SFI1: variants seen among roughly 807,000 people sequenced by gnomAD.
The protein encoded by SFI1 is SFI1 centrin binding protein.
A neutral mutation model predicts 207.5 loss-of-function variants in SFI1; 195 were observed. That is an observed-to-expected ratio of 0.94 (90% CI 0.84 to 1.06). The LOEUF is 1.06. Among genes scored for constraint, SFI1 ranks in the 50% least tolerant of loss-of-function variants. The probability of loss-of-function intolerance (pLI) is 0.00; values close to 1 mark genes in which losing one functional copy is unlikely to be tolerated. For synonymous variants in SFI1, 630 were observed against 598.9 expected (o/e 1.05, Z -0.76); for missense variants, 1,634 against 1,588.0 (o/e 1.03, Z -0.49).
chr22:31,606,693 CTTTTTTTTTTTTT>C (rs10524692), intron 21 of SFI1: 9,505 of 116,156 alleles, frequency 0.082, 347 homozygotes, highest in African/African-American at 0.095. Flanking sequence ...TTCTTTTTTT[CTTTTTTTTTTTTT>C]TTTTTTTTTT....
intron 18 of SFI1, 28 bp from the exon 19 acceptor site, chr22:31,604,281 C>G (rs549089105): frequency 6.5e-7 from 1 of 1,546,000 alleles, no homozygotes; most frequent in African/African-American, 1.4e-5. Flanking sequence ...CCCCAGCCCA[C>G]GGTAGCTGCT....
intron 5 of SFI1, 66 bp from the exon 6 acceptor site, chr22:31,550,188 G>C: frequency 3.9e-6 from 5 of 1,284,650 alleles, no homozygotes; most frequent in Non-Finnish European, 4.5e-6. Context: ...TAGGGTTACA[G>C]GTGTGAGCCA....
At chr22:31,530,549 C>G (rs2147364793) in intron 3 of SFI1, 1 of 452,178 alleles carries the variant, frequency 2.2e-6, no homozygotes, top group South Asian at 1.6e-5. Flanking sequence ...AGACACTGTG[C>G]TAGGTACTGG....
intron 1 of SFI1, among the ~76,000 whole-genome samples, chr22:31,498,930 C>T (rs1439357967): frequency 2.0e-5 from 3 of 151,138 alleles, no homozygotes; most frequent in Non-Finnish European, 4.4e-5. Context: ...CACTCTTGAC[C>T]TCCTGACCTC....
chr22:31,602,309 T>C lies in SFI1; in HGVS notation c.1626+16T>C, dbSNP rs745966073. Reference sequence around the variant, plus strand: ...AGAGAGAATGGTAAATGGCTGTCCCTGAGGAGATGTGTGGAGGGGCAGGAT... The same window carrying C: ...AGAGAGAATGGTAAATGGCTGTCCCCGAGGAGATGTGTGGAGGGGCAGGAT... On this transcript the variant is annotated intron_variant, in intron 16 of 32. Coordinates refer to ENST00000400288, the MANE Select transcript of SFI1 (RefSeq NM_001007467.3). 6.2e-7 allele frequency: 1 copy of C among 1,609,362 alleles called. No homozygotes were observed. Among genetic ancestry groups the C allele is most frequent in the South Asian group, 1.1e-5 (1 of 90,994 alleles).
intron 4 of SFI1, among the ~76,000 whole-genome samples, chr22:31,532,177 C>G (rs1366403873): frequency 1.3e-5 from 2 of 152,164 alleles, no homozygotes; most frequent in Non-Finnish European, 2.9e-5. Context: ...TGAGCTCTTT[C>G]AGGGCACTGG....
intron 21 of SFI1, 31 bp from the exon 22 acceptor site, chr22:31,607,906 G>C: frequency 1.9e-6 from 3 of 1,604,544 alleles, no homozygotes; most frequent in Non-Finnish European, 2.6e-6. Context: ...GAGGTATAGT[G>C]ACTCTTGCTG....
chr22:31,589,211 CGTGT>C (rs10597618), intron 14 of SFI1, among the ~76,000 whole-genome samples: 1,783 of 149,442 alleles, frequency 0.012, 12 homozygotes, highest in African/African-American at 0.019. Flanking sequence ...TATGTGTGTG[CGTGT>C]GTGTGTGTGT....
intron 2 of SFI1, among the ~76,000 whole-genome samples, chr22:31,524,919 C>T (rs1344987747): frequency 1.3e-5 from 2 of 151,948 alleles, no homozygotes; most frequent in African/African-American, 2.4e-5. Context: ...CTCAGCCTCC[C>T]GAGTAACTGG....
At chr22:31,591,457 T>G (rs985803826) in intron 15 of SFI1, among the ~76,000 whole-genome samples, 1 of 152,140 alleles carries the variant, frequency 6.6e-6, no homozygotes, top group Non-Finnish European at 1.5e-5. Context: ...ATTGTCATCC[T>G]GGCCCGTTCT....
At chr22:31,573,239 G>T in intron 9 of SFI1, 25 bp downstream of exon 9, 1 of 1,610,430 alleles carries the variant, frequency 6.2e-7, no homozygotes, top group South Asian at 1.1e-5. Flanking sequence ...CCAGGCTCTC[G>T]AGATAGAGGA....
At position 31,614,170 on chromosome 22, in the gene SFI1, A is replaced by G. The variant is rs1233919621; in HGVS notation, c.2996+315A>G. On this transcript the variant is annotated intron_variant, in intron 27 of 32. Coordinates refer to ENST00000400288, the MANE Select transcript of SFI1 (RefSeq NM_001007467.3). Reference sequence around the variant, plus strand: ...CGATCTTTTCCGGAGTCATACACGTAGTTGACAAAGGGAACAAGCTCAGCT... The same window carrying G: ...CGATCTTTTCCGGAGTCATACACGTGGTTGACAAAGGGAACAAGCTCAGCT... 3.6e-5 allele frequency: 14 copies of G among 393,822 alleles called. No homozygotes were observed. In the East Asian group the frequency reaches 5.8e-4, roughly 16 times the overall value. The allele number at this position is 393,822 out of a possible 1,614,324, so 24.4% of individuals were successfully genotyped here.
At chr22:31,573,794 T>C (rs1427732222) in intron 9 of SFI1, among the ~76,000 whole-genome samples, 1 of 152,214 alleles carries the variant, frequency 6.6e-6, no homozygotes, top group Non-Finnish European at 1.5e-5. Flanking sequence ...GTATTGTAAT[T>C]ATTTTGATTA....
chr22:31,613,364 C>T lies in SFI1; in HGVS notation c.2576C>T (p.Thr859Met), dbSNP rs766006241. 1.1e-5 allele frequency: 17 copies of T among 1,608,246 alleles called. No homozygotes were observed. The highest frequency in any genetic ancestry group is 1.3e-5 in the African/African-American group (1 of 74,874). The change falls in exon 26 of 33, where the codon ACG (threonine) becomes ATG (methionine). Residue 859 changes from threonine (T) to methionine (M), a missense_variant. Transcript: ENST00000400288. ...AFSLQAKVWATWLAFVLERRR... is the reference protein window; with the variant it reads ...AFSLQAKVWAMWLAFVLERRR... ...CTGCCCTCCCTGGAGGTGTGGGCCA[C>T]GTGGCTGGCCTTTGTACTGGAAAGG...
intron 12 of SFI1, 135 bp from the exon 13 acceptor site, chr22:31,583,740 T>C (rs5998049): frequency 1.4e-6 from 1 of 739,312 alleles, no homozygotes; most frequent in African/African-American, 1.7e-5. Flanking sequence ...CATTAATTTG[T>C]ATGCCCACTG....
At chr22:31,504,657 C>G (rs1281957513) in intron 1 of SFI1, among the ~76,000 whole-genome samples, 5 of 152,142 alleles carry the variant, frequency 3.3e-5, no homozygotes, top group Non-Finnish European at 7.4e-5. Context: ...GTTTTAGAGG[C>G]TAGAAGTCTG....
chr22:31,597,981 G>GTT (rs538696335), intron 15 of SFI1, among the ~76,000 whole-genome samples: 6,382 of 144,070 alleles, frequency 0.044, 128 homozygotes, highest in Non-Finnish European at 0.05. Flanking sequence ...GTTTTCATAG[G>GTT]TTTTTTTTTT....
chr22:31,559,661 G>A (rs1264660190), intron 7 of SFI1: 3 of 742,154 alleles, frequency 4.0e-6, no homozygotes, highest in Non-Finnish European at 7.4e-6. Context: ...AGAACTCACT[G>A]AGGATGAGAT....
intron 4 of SFI1, among the ~76,000 whole-genome samples, chr22:31,541,968 G>T (rs1239583969): frequency 6.6e-6 from 1 of 150,868 alleles, no homozygotes; most frequent in African/African-American, 2.4e-5. Flanking sequence ...GGGCATGGTG[G>T]TGGGTACCTG....
Sources: gnomAD v4.1 joint callset for allele counts (sites outside exome capture counted in the v4.1 genomes callset) on GRCh38, gnomAD v4.1.1 for gene constraint, MANE v1.5 for transcripts, NCBI Gene and HGNC (gene_info 2026-07-23, HGNC 2026-07-21) for gene names.